The following PECR variants were observed in gnomAD, a reference collection of about 807,000 sequenced individuals.
PECR encodes 2,4-dienoyl-CoA reductase-related protein.
Under a neutral mutation model 35.3 loss-of-function variants are expected in PECR, and 30 were observed. The ratio of observed to expected loss-of-function variants is 0.85; its 90% CI spans 0.64 to 1.15. The LOEUF is 1.15. PECR is among the 50% of genes most tolerant of loss of function. PECR has a pLI of 0.00. For synonymous variants in PECR, 148 were observed against 138.9 expected (o/e 1.07, Z -0.46); for missense variants, 392 against 370.8 (o/e 1.06, Z -0.47).
chr2:216,040,957 C>T (rs28695959), intron 7 of PECR, among the ~76,000 whole-genome samples: 20,768 of 152,066 alleles, frequency 0.14, 1,741 homozygotes, highest in South Asian at 0.23. Context: ...TCCCTGCATA[C>T]AGGAACAAAA....
chr2:216,058,213 C>T (rs1695265885), intron 4 of PECR, among the ~76,000 whole-genome samples: 1 of 152,152 alleles, frequency 6.6e-6, no homozygotes, highest in Non-Finnish European at 1.5e-5. Context: ...GTGCTAACAA[C>T]TTCTCCCAAG....
chr2:216,038,150 T>C (rs1165815719), downstream of PECR, among the ~76,000 whole-genome samples: 3 of 152,086 alleles, frequency 2.0e-5, no homozygotes. Flanking sequence ...AATAGCTACT[T>C]CACCTCAGAT....
At chr2:216,045,167 A>C (rs1437439463) in intron 6 of PECR, among the ~76,000 whole-genome samples, 1 of 152,216 alleles carries the variant, frequency 6.6e-6, no homozygotes, top group Non-Finnish European at 1.5e-5. Flanking sequence ...GCCTCATCCC[A>C]GTCCTGGTCC....
intron 4 of PECR, among the ~76,000 whole-genome samples, chr2:216,055,993 G>A (rs534228986): frequency 3.9e-5 from 6 of 152,080 alleles, no homozygotes; most frequent in South Asian, 2.1e-4. Flanking sequence ...GAGACATGTC[G>A]CCTGGATGCT....
intron 5 of PECR, chr2:216,050,977 C>T (rs1390991496): frequency 6.5e-6 from 1 of 154,898 alleles, no homozygotes; most frequent in African/African-American, 2.4e-5. Context: ...TCAAAGAGTA[C>T]TTCCATAATG....
At chr2:216,049,987 G>A (rs1350573609) in intron 5 of PECR, among the ~76,000 whole-genome samples, 1 of 152,152 alleles carries the variant, frequency 6.6e-6, no homozygotes, top group Non-Finnish European at 1.5e-5. Context: ...CGAGGGTGAA[G>A]CTGGAGGATT....
intron 2 of PECR, 89 bp from the exon 3 acceptor site, chr2:216,065,566 G>A (rs1244694741): frequency 7.5e-6 from 6 of 799,912 alleles, no homozygotes; most frequent in Non-Finnish European, 1.3e-5. Flanking sequence ...GACAGAGTTT[G>A]CAATCTCTCA....
At chr2:216,040,761 C>T (rs1312412798) in intron 7 of PECR, among the ~76,000 whole-genome samples, 1 of 152,106 alleles carries the variant, frequency 6.6e-6, no homozygotes, top group East Asian at 1.9e-4. Flanking sequence ...ATCCCAGCTA[C>T]TCTGGATCCT....
intron 1 of PECR, among the ~76,000 whole-genome samples, chr2:216,071,111 T>C (rs886231992): frequency 6.6e-6 from 1 of 152,200 alleles, no homozygotes; most frequent in Admixed American, 6.5e-5. Context: ...GGGCCCATGG[T>C]TGGGATCCAT....
chr2:216,061,126 TACC>T (rs1287232308), intron 3 of PECR, among the ~76,000 whole-genome samples: 47 of 61,818 alleles, frequency 7.6e-4, no homozygotes, highest in African/African-American at 2.9e-3. Flanking sequence ...ACCCCGGCTC[TACC>T]AAAAAAAAAA....
At chr2:216,072,655 G>A (rs1244384843) in intron 1 of PECR, among the ~76,000 whole-genome samples, 2 of 152,100 alleles carry the variant, frequency 1.3e-5, no homozygotes, top group African/African-American at 4.8e-5. Context: ...TTTTAGTTAG[G>A]ATAAAGGCCT....
At chr2:216,070,407 C>T (rs1695566311) in intron 1 of PECR, among the ~76,000 whole-genome samples, 1 of 152,216 alleles carries the variant, frequency 6.6e-6, no homozygotes, top group Admixed American at 6.5e-5. Flanking sequence ...ACTTATTCCT[C>T]CTGTCTAAAT....
Position 216,039,087 on chromosome 2 carries a change from G to T in PECR, c.*188C>A. 2 of 508,748 alleles carry T rather than the reference G, an allele frequency of 3.9e-6. No individual in the cohort carries two copies. Among genetic ancestry groups the T allele is most frequent in the Non-Finnish European group, 7.1e-6 (2 of 283,396 alleles). The allele number at this position is 508,748 out of a possible 1,614,324, so 31.5% of individuals were successfully genotyped here. A position where few individuals can be genotyped will look rare whatever the true frequency, so the allele number is the denominator to read the frequency against. ...TTACTTATACATTTTTAAATCATAG[G>T]TTAAAAGACTCTGATTGGGACATAA... is the stretch of plus-strand genomic sequence containing the variant. On this transcript the variant is annotated 3_prime_UTR_variant, in exon 8 of 8. Transcript: ENST00000265322.
At chr2:216,043,059 GTA>G (rs1559207848) in intron 7 of PECR, among the ~76,000 whole-genome samples, 1 of 76,006 alleles carries the variant, frequency 1.3e-5, no homozygotes, top group Non-Finnish European at 2.5e-5. Context: ...ATACACATAC[GTA>G]TATATGTATG....
intron 4 of PECR, chr2:216,057,744 T>C (rs1184543381): frequency 6.6e-6 from 1 of 152,184 alleles, no homozygotes; most frequent in Non-Finnish European, 1.5e-5. Flanking sequence ...TGAGCGATGA[T>C]GACCACAGTT....
intron 4 of PECR, among the ~76,000 whole-genome samples, chr2:216,052,980 A>C (rs1695147360): frequency 6.6e-6 from 1 of 151,566 alleles, no homozygotes; most frequent in Non-Finnish European, 1.5e-5. Flanking sequence ...CAGCCTCCCG[A>C]ATAGCTGGGT....
chr2:216,044,767 G>A (rs1410162163), intron 6 of PECR, among the ~76,000 whole-genome samples: 2 of 152,122 alleles, frequency 1.3e-5, no homozygotes, highest in African/African-American at 2.4e-5. Context: ...TTCAAATAGG[G>A]AACTGATGAG....
At position 216,049,215 on chromosome 2, in the gene PECR, A is replaced by G. The variant is rs764065031; in HGVS notation, c.714+48T>C. On this transcript the variant is annotated intron_variant, in intron 6 of 7. Coordinates refer to ENST00000265322, the MANE Select transcript of PECR (RefSeq NM_018441.6). The stretch of plus-strand genomic sequence containing the variant: ...AAAATGACACTGAATTACAAATTCC[A>G]AAGTATAACACACAGCAATTCTAAT... 25 of 938,748 alleles carry G rather than the reference A, an allele frequency of 2.7e-5. No homozygotes were observed. In the South Asian group the frequency reaches 2.7e-4, roughly 10 times the overall value. The allele number at this position is 938,748 out of a possible 1,614,324, so 58.2% of individuals were successfully genotyped here.
chr2:216,080,793 T>C (rs1026403343), intron 1 of PECR, among the ~76,000 whole-genome samples: 1 of 152,240 alleles, frequency 6.6e-6, no homozygotes, highest in Admixed American at 6.5e-5. Context: ...GCTTAGTCCA[T>C]ACCATTAGTC....
Sources: gnomAD v4.1 joint callset for allele counts (sites outside exome capture counted in the v4.1 genomes callset) on GRCh38, gnomAD v4.1.1 for gene constraint, MANE v1.5 for transcripts, NCBI Gene and HGNC (gene_info 2026-07-23, HGNC 2026-07-21) for gene names.